The following TLL1 variants were observed in gnomAD, a reference collection of about 807,000 sequenced individuals.
The protein encoded by TLL1 is tolloid like 1.
TLL1 carries 49 observed loss-of-function variants against 128.2 expected under a neutral mutation model. That is an observed-to-expected ratio of 0.38 (90% confidence interval 0.30 to 0.48). TLL1 has a LOEUF of 0.48. TLL1 is among the 20% of genes least tolerant of loss of function. The pLI, the probability that TLL1 is intolerant of heterozygous loss-of-function variation, is 0.96. For synonymous variants in TLL1, 454 were observed against 418.8 expected (o/e 1.08, Z -1.03); for missense variants, 1,123 against 1,242.0 (o/e 0.90, Z 1.44).
At chr4:166,077,163 A>G (rs1222479207) in intron 17 of TLL1, among the ~76,000 whole-genome samples, 2 of 152,110 alleles carry the variant, frequency 1.3e-5, no homozygotes, top group African/African-American at 4.8e-5. Context: ...GAGGATATTA[A>G]ATGTTTTTGA....
At chr4:165,922,794 GTA>G (rs1160905930) in intron 1 of TLL1, among the ~76,000 whole-genome samples, 2 of 152,152 alleles carry the variant, frequency 1.3e-5, no homozygotes, top group Non-Finnish European at 2.9e-5. Flanking sequence ...GAATTTATAT[GTA>G]TGTAAACACT....
intron 8 of TLL1, among the ~76,000 whole-genome samples, chr4:166,020,645 C>A (rs1579633148): frequency 6.8e-6 from 1 of 147,808 alleles, no homozygotes; most frequent in African/African-American, 2.7e-5. Flanking sequence ...TTTAACTATT[C>A]TTTTGTTTTA....
In TLL1 at chr4:165,989,492, G is replaced by A; in HGVS notation, c.280+1G>A. On this transcript the variant is annotated splice_donor_variant, in intron 2 of 20. Coordinates refer to ENST00000061240, the MANE Select transcript of TLL1 (RefSeq NM_012464.5). LOFTEE classifies it high-confidence loss of function. Reference sequence around the variant, plus strand: ...TTTGGAAACCTTGGACATACCACAGGTATGGTTGATTGTTTCAGAAAATTT... The same window carrying A: ...TTTGGAAACCTTGGACATACCACAGATATGGTTGATTGTTTCAGAAAATTT... 1 of 1,604,848 alleles carries A rather than the reference G, an allele frequency of 6.2e-7. No individual in the cohort carries two copies. The highest frequency in any genetic ancestry group is 2.2e-5 in the East Asian group (1 of 44,722).
At chr4:166,080,127 A>G (rs1234953861) in intron 18 of TLL1, among the ~76,000 whole-genome samples, 1 of 152,142 alleles carries the variant, frequency 6.6e-6, no homozygotes, top group African/African-American at 2.4e-5. Flanking sequence ...GTTGGACTTA[A>G]CAAGGGTTAG....
intron 9 of TLL1, among the ~76,000 whole-genome samples, chr4:166,032,201 A>G (rs1738799923): frequency 6.6e-6 from 1 of 152,130 alleles, no homozygotes; most frequent in Non-Finnish European, 1.5e-5. Flanking sequence ...TAGAAACTTT[A>G]CTGTGGGACT....
At chr4:166,028,775 T>C (rs1738623519) in intron 9 of TLL1, among the ~76,000 whole-genome samples, 1 of 151,996 alleles carries the variant, frequency 6.6e-6, no homozygotes, top group South Asian at 2.1e-4. Context: ...TCGTCTATTA[T>C]TAATAAAGCT....
rs572598588 is a variant in TLL1 at position 166,053,832 on chromosome 4, A to T, written c.1525-1244A>T. ...ACTTTTCTTGGTGTTTTAATTGTAGATATCTCTGCTTTCTACTTTTAAATA... is the reference window on the plus strand; with the variant it reads ...ACTTTTCTTGGTGTTTTAATTGTAGTTATCTCTGCTTTCTACTTTTAAATA... On this transcript the variant is annotated intron_variant, in intron 12 of 20. Coordinates refer to ENST00000061240, the MANE Select transcript of TLL1 (RefSeq NM_012464.5). Among the ~76,000 whole-genome samples, 26 of 152,272 alleles carry T rather than the reference A, an allele frequency of 1.7e-4. No homozygotes were observed. In the South Asian group the frequency reaches 5.4e-3, roughly 32 times the overall value.
chr4:165,882,780 G>A (rs549722265), intron 1 of TLL1, among the ~76,000 whole-genome samples: 2 of 151,904 alleles, frequency 1.3e-5, no homozygotes, highest in African/African-American at 4.8e-5. Context: ...CACCACGCCC[G>A]GCTAGTTTTA....
Position 165,979,861 on chromosome 4 carries a change from T to C in TLL1, c.170-9520T>C, listed in dbSNP as rs541516772. On this transcript the variant is annotated intron_variant, in intron 1 of 20. Coordinates refer to ENST00000061240, the MANE Select transcript of TLL1 (RefSeq NM_012464.5). ...CAAGCTGTTCAGATTTTTGCAAAAC[T>C]CCGTGGTGAATATGCTTTTCTATAC... Among the ~76,000 whole-genome samples, 8 of 152,260 alleles carry C rather than the reference T, an allele frequency of 5.3e-5. No homozygotes were observed. In the South Asian group the frequency reaches 1.7e-3, roughly 32 times the overall value.
At chr4:165,996,074 A>G (rs1281707413) in intron 5 of TLL1, among the ~76,000 whole-genome samples, 1 of 152,052 alleles carries the variant, frequency 6.6e-6, no homozygotes, top group Non-Finnish European at 1.5e-5. Context: ...GATGCTTGGA[A>G]TGCCTTTACC....
chr4:166,040,172 T>G (rs955297110), intron 10 of TLL1, among the ~76,000 whole-genome samples: 4 of 152,234 alleles, frequency 2.6e-5, no homozygotes, highest in African/African-American at 9.6e-5. Context: ...TTTCTTTACT[T>G]TTAGAAGTAG....
At chr4:166,028,770 T>C (rs142616506) in intron 9 of TLL1, among the ~76,000 whole-genome samples, 1,523 of 152,110 alleles carry the variant, frequency 0.01, 25 homozygotes, top group African/African-American at 0.033. Flanking sequence ...CTATTTCGTC[T>C]ATTATTAATA....
intron 1 of TLL1, among the ~76,000 whole-genome samples, chr4:165,955,675 T>C (rs1042204097): frequency 2.6e-5 from 4 of 152,148 alleles, no homozygotes; most frequent in Non-Finnish European, 2.9e-5. Flanking sequence ...AAGAGTTTCA[T>C]ATGCTGCCAA....
chr4:165,998,014 T>C (rs1009959698), intron 5 of TLL1, among the ~76,000 whole-genome samples: 2 of 152,206 alleles, frequency 1.3e-5, no homozygotes. Flanking sequence ...ATTAGCAGGC[T>C]GCTCATCAGA....
At chr4:165,900,078 A>G (rs972867625) in intron 1 of TLL1, among the ~76,000 whole-genome samples, 1 of 90,388 alleles carries the variant, frequency 1.1e-5, no homozygotes, top group Admixed American at 1.1e-4. Context: ...TTTGGTTTCT[A>G]TTTGCTTGGT....
intron 4 of TLL1, 75 bp from the exon 5 acceptor site, chr4:165,994,986 T>G (rs1419893986): frequency 8.2e-7 from 1 of 1,214,864 alleles, no homozygotes. Context: ...CAGCCAGACT[T>G]AGGGTAGAGG....
intron 5 of TLL1, among the ~76,000 whole-genome samples, chr4:166,002,964 A>G (rs1472286243): frequency 6.6e-6 from 1 of 152,174 alleles, no homozygotes; most frequent in Non-Finnish European, 1.5e-5. Flanking sequence ...ACACTGACAA[A>G]GTAGTAACCT....
Position 165,874,067 on chromosome 4 carries a change from A to G in TLL1, c.163A>G (p.Lys55Glu), listed in dbSNP as rs759739358. The G allele has an allele frequency of 1.2e-6, 2 of 1,614,138 alleles. No individual in the cohort carries two copies. Among genetic ancestry groups the G allele is most frequent in the Non-Finnish European group, 1.7e-6 (2 of 1,180,004 alleles). The change falls in exon 1 of 21, where the codon AAA becomes GAA. Residue 55 changes from lysine (K) to glutamate (E), a missense_variant. Physicochemically the swap from Lys to Glu is moderately conservative, Grantham distance 56. Around this residue, in one of 3 missense-constraint regions of TLL1, gnomAD observed 480 missense variants for 542.4 expected, o/e 0.89. Coordinates refer to ENST00000061240, the MANE Select transcript of TLL1 (RefSeq NM_012464.5). The part of the protein sequence containing the change: ...TETIDYKDPC[K>E]AAVFWGDIAL... ...GACTATAGATTACAAGGACCCGTGTAAAGCCGGTAAGTGGCTCTCCAGGTT... is the reference window on the plus strand; with the variant it reads ...GACTATAGATTACAAGGACCCGTGTGAAGCCGGTAAGTGGCTCTCCAGGTT...
chr4:166,071,188 G>A lies in TLL1; in HGVS notation c.2189-3690G>A, dbSNP rs74910968. ...ATTGACTTCTTTTTCCTACAGATAAGGAAGCTTTCTGCAAAGAGAAAATTT... is the reference window on the plus strand; with the variant it reads ...ATTGACTTCTTTTTCCTACAGATAAAGAAGCTTTCTGCAAAGAGAAAATTT... On this transcript the variant is annotated intron_variant, in intron 16 of 20. Transcript: ENST00000061240. Among the ~76,000 whole-genome samples the A allele has an allele frequency of 2.2e-3, 336 of 151,948 alleles. 13 individuals are homozygous for A. In the East Asian group the frequency reaches 0.058, roughly 26 times the overall value.
Sources: allele counts gnomAD v4.1 joint callset (sites outside exome capture counted in the v4.1 genomes callset), GRCh38; gene constraint gnomAD v4.1.1; regional missense constraint gnomAD v4.1.1; transcripts MANE v1.5; gene names NCBI Gene and HGNC (gene_info 2026-07-23, HGNC 2026-07-21).